The following MARCHF1 variants were observed in gnomAD, a reference collection of about 807,000 sequenced individuals.
MARCHF1 encodes E3 ubiquitin-protein ligase MARCHF1.
Under a neutral mutation model 54.2 loss-of-function variants are expected in MARCHF1, and 40 were observed. The observed-to-expected ratio is 0.74, with a 90% CI of 0.57 to 0.96. The LOEUF (loss-of-function observed/expected upper bound fraction) is 0.96. MARCHF1 is among the 40% of genes least tolerant of loss of function. MARCHF1 has a pLI of 0.00. For synonymous variants in MARCHF1, 236 were observed against 236.3 expected (o/e 1.00, Z 0.01); for missense variants, 586 against 656.5 (o/e 0.89, Z 1.17).
At chr4:164,060,202 T>G (rs2111065729) in intron 2 of MARCHF1, among the ~76,000 whole-genome samples, 1 of 152,204 alleles carries the variant, frequency 6.6e-6, no homozygotes, top group South Asian at 2.1e-4. Context: ...TTCTCAAATT[T>G]TTATACCATA....
intron 1 of MARCHF1, among the ~76,000 whole-genome samples, chr4:164,150,852 T>A (rs949718439): frequency 6.6e-6 from 1 of 152,110 alleles, no homozygotes; most frequent in African/African-American, 2.4e-5. Context: ...AGAATTAGGG[T>A]AGCAAATAGA....
rs1468805794 is a variant in MARCHF1 at position 163,578,846 on chromosome 4, G to C, written c.1191+6903C>G. On this transcript the variant is annotated intron_variant, in intron 8 of 9. Coordinates refer to ENST00000514618, the MANE Select transcript of MARCHF1 (RefSeq NM_001394959.1). ...ATCTTGTTCACTACTGCACATGACT[G>C]GTATATGGTATATAATACAGTAAGT... 2.0e-5 allele frequency among the ~76,000 whole-genome samples: 3 copies of C among 152,024 alleles called. No individual in the cohort carries two copies. In the South Asian group the frequency reaches 6.2e-4, roughly 32 times the overall value.
At chr4:163,819,429 C>T (rs181360052) in intron 4 of MARCHF1, among the ~76,000 whole-genome samples, 1 of 152,184 alleles carries the variant, frequency 6.6e-6, no homozygotes, top group African/African-American at 2.4e-5. Context: ...CAGAGCTTTG[C>T]ATAAGAAAGT....
chr4:163,536,546 G>A (rs773617355), intron 9 of MARCHF1, among the ~76,000 whole-genome samples: 1 of 152,038 alleles, frequency 6.6e-6, no homozygotes, highest in Non-Finnish European at 1.5e-5. Context: ...TAATCTTGAC[G>A]AGCACAGAAT....
At chr4:163,986,522 C>T (rs1456421522) in intron 3 of MARCHF1, among the ~76,000 whole-genome samples, 1 of 151,960 alleles carries the variant, frequency 6.6e-6, no homozygotes, top group Non-Finnish European at 1.5e-5. Flanking sequence ...GCCTCGGCCT[C>T]CCAAAGTGCT....
In MARCHF1 at chr4:163,700,851, G is replaced by A. The variant is rs764029015; in HGVS notation, c.124C>T (p.Pro42Ser). The A allele has an allele frequency of 1.3e-6, 2 of 1,535,834 alleles. No homozygotes were observed. Among genetic ancestry groups the A allele is most frequent in the Non-Finnish European group, 1.7e-6 (2 of 1,146,072 alleles). ...CTTGATCGACTTGCAGATCGCCCTG[G>A]GGATTTTTCATTCTGAAAAATAAAA... ...SQTSTLNEKSPGRSASRSSNI... is the reference protein window; with the variant it reads ...SQTSTLNEKSSGRSASRSSNI... Residue 42 changes from proline to serine, a missense_variant, in exon 5 of 10, where the codon CCA (proline) becomes TCA (serine). Physicochemically the swap from Pro to Ser is moderately conservative, Grantham distance 74. Around this residue, in one of 3 missense-constraint regions of MARCHF1, gnomAD observed 387 missense variants for 394.6 expected, o/e 0.98. Coordinates refer to ENST00000514618, the MANE Select transcript of MARCHF1 (RefSeq NM_001394959.1).
intron 3 of MARCHF1, among the ~76,000 whole-genome samples, chr4:163,970,665 G>T (rs1017664561): frequency 6.6e-6 from 1 of 152,082 alleles, no homozygotes; most frequent in Non-Finnish European, 1.5e-5. Flanking sequence ...GGTCATATTG[G>T]TATATAAAAT....
chr4:164,094,546 A>G (rs1253029168), intron 2 of MARCHF1, among the ~76,000 whole-genome samples: 1 of 152,180 alleles, frequency 6.6e-6, no homozygotes, highest in Non-Finnish European at 1.5e-5. Flanking sequence ...TATCACTCTT[A>G]CCTAAGAGAG....
At chr4:163,779,858 C>T (rs1295224460) in intron 4 of MARCHF1, among the ~76,000 whole-genome samples, 1 of 151,950 alleles carries the variant, frequency 6.6e-6, no homozygotes, top group East Asian at 1.9e-4. Flanking sequence ...TAGATCCATC[C>T]CCTGGGCAAA....
intron 1 of MARCHF1, among the ~76,000 whole-genome samples, chr4:164,143,953 G>A (rs1375313529): frequency 1.3e-5 from 2 of 152,126 alleles, no homozygotes; most frequent in African/African-American, 4.8e-5. Flanking sequence ...ACACACATAG[G>A]CTCAAAATAA....
chr4:163,844,864 G>T (rs1372606284), intron 4 of MARCHF1, among the ~76,000 whole-genome samples: 1 of 152,192 alleles, frequency 6.6e-6, no homozygotes, highest in Non-Finnish European at 1.5e-5. Context: ...AAGCTTGTGT[G>T]TTGCAGATGG....
chr4:163,967,993 C>G (rs925410491), intron 3 of MARCHF1, among the ~76,000 whole-genome samples: 12 of 152,096 alleles, frequency 7.9e-5, no homozygotes, highest in African/African-American at 2.9e-4. Context: ...CCAAAACCAT[C>G]TTCTAAAATC....
At chr4:163,586,305 CTG>C (rs1740411154) in intron 7 of MARCHF1, among the ~76,000 whole-genome samples, 1 of 152,050 alleles carries the variant, frequency 6.6e-6, no homozygotes, top group Non-Finnish European at 1.5e-5. Flanking sequence ...TAAATGAATT[CTG>C]TGTTTAGACT....
chr4:164,087,948 A>G (rs1384762891), intron 2 of MARCHF1, among the ~76,000 whole-genome samples: 3 of 152,196 alleles, frequency 2.0e-5, no homozygotes, highest in African/African-American at 7.2e-5. Flanking sequence ...TGAATGGATG[A>G]CTGACATTGA....
intron 5 of MARCHF1, among the ~76,000 whole-genome samples, chr4:163,687,715 T>C (rs1041128860): frequency 6.6e-6 from 1 of 152,186 alleles, no homozygotes; most frequent in African/African-American, 2.4e-5. Flanking sequence ...CTCTCTCTGG[T>C]GACAGGAAGA....
intron 2 of MARCHF1, among the ~76,000 whole-genome samples, chr4:164,045,061 A>C (rs773205687): frequency 6.6e-6 from 1 of 152,134 alleles, no homozygotes; most frequent in Non-Finnish European, 1.5e-5. Context: ...AAGTCATACA[A>C]CTATACACTA....
intron 4 of MARCHF1, among the ~76,000 whole-genome samples, chr4:163,706,620 C>T (rs1041151927): frequency 2.3e-4 from 35 of 151,618 alleles, no homozygotes; most frequent in Non-Finnish European, 1.3e-4. Context: ...AATAAAGTAC[C>T]ATACTTTGAT....
rs569770486 is a variant in MARCHF1 at position 164,174,895 on chromosome 4, GT to G, written c.-322-63234del. Among the ~76,000 whole-genome samples the G allele has an allele frequency of 3.9e-5, 6 of 151,928 alleles. No homozygotes were observed. The East Asian group carries it at 5.8e-4, about 15-fold the overall frequency. On this transcript the variant is annotated intron_variant, in intron 1 of 9. Coordinates refer to ENST00000514618, the MANE Select transcript of MARCHF1 (RefSeq NM_001394959.1). ...AATTGTTCATCATTTGGGGAAGAGAGTTTTTTTTGTTTTGTTTTGTTTTTCA... is the reference window on the plus strand; with the variant it reads ...AATTGTTCATCATTTGGGGAAGAGAGTTTTTTTGTTTTGTTTTGTTTTTCA...
chr4:163,636,862 T>G (rs1266565265), intron 5 of MARCHF1, among the ~76,000 whole-genome samples: 3 of 152,208 alleles, frequency 2.0e-5, no homozygotes, highest in Non-Finnish European at 4.4e-5. Flanking sequence ...AAGGCTACAG[T>G]AACCAAAACA....
Sources: gnomAD v4.1 joint callset for allele counts (sites outside exome capture counted in the v4.1 genomes callset) on GRCh38, gnomAD v4.1.1 for gene constraint, gnomAD v4.1.1 regional missense constraint, MANE v1.5 for transcripts, NCBI Gene and HGNC (gene_info 2026-07-23, HGNC 2026-07-21) for gene names.